The following LARGE2 variants were observed in gnomAD, a reference collection of about 807,000 sequenced individuals.
The protein encoded by LARGE2 is xylosyl- and glucuronyltransferase LARGE2.
LARGE2 carries 63 observed loss-of-function variants against 75.3 expected under a neutral mutation model. The observed-to-expected ratio is 0.84, with a 90% CI of 0.68 to 1.03. LARGE2 has a LOEUF of 1.03. LARGE2 is among the 50% of genes least tolerant of loss of function. The pLI is 0.00. For missense variants in LARGE2, 925 were observed against 980.6 expected, an observed-to-expected ratio of 0.94 and a Z score of 0.76; for synonymous variants, 428 against 420.1, an observed-to-expected ratio of 1.02 and a Z score of -0.23.
chr11:45,927,653 G>C, intron 11 of LARGE2, 60 bp downstream of exon 11: 1 of 1,581,706 alleles, frequency 6.3e-7, no homozygotes, highest in Non-Finnish European at 8.6e-7. Context: ...GGGCATGCGT[G>C]GGACCCCAGG....
At chr11:45,925,493 TAAAAATAC>T (rs2087106658) in intron 6 of LARGE2, among the ~76,000 whole-genome samples, 1 of 151,740 alleles carries the variant, frequency 6.6e-6, no homozygotes, top group Non-Finnish European at 1.5e-5. Context: ...CCTTCTACAC[TAAAAATAC>T]AAAAATTAGC....
chr11:45,924,064 G>A, intron 3 of LARGE2, 90 bp from the exon 4 acceptor site: 1 of 1,390,470 alleles, frequency 7.2e-7, no homozygotes, highest in African/African-American at 1.5e-5. Context: ...TTTGCAGATG[G>A]CGCTTCCATC....
In LARGE2 at chr11:45,924,229, G is replaced by A. The variant is rs759320380; in HGVS notation, c.444G>A (p.Trp148Ter). Residue 148 changes from tryptophan (W) to a stop codon, truncating the protein, a stop_gained, in exon 4 of 14, where the codon TGG becomes TGA. Transcript: ENST00000401752. LOFTEE classifies it high-confidence loss of function. ...TCCTGGAGACGCTCTTCCACACATG[G>A]ATGGTGCCTGCTGTCCGTGTCAGCT... ...RNILETLFHT[W>*]MVPAVRVSFY... is the part of the protein sequence containing the mutation. 1 of 1,613,546 alleles carries A rather than the reference G, an allele frequency of 6.2e-7. No individual in the cohort carries two copies.
At position 45,923,119 on chromosome 11, in the gene LARGE2, C is replaced by G. The variant is rs1187675477; in HGVS notation, c.237C>G (p.His79Gln). ...DGDPGAGPGD[H>Q]NRSDCGPQPP... is the part of the protein sequence containing the mutation. ...ACCCGGGGGCCGGCCCCGGGGACCA[C>G]AACCGCTCCGACTGCGGCCCGCAGC... Residue 79 changes from histidine (H) to glutamine (Q), a missense_variant, in exon 2 of 14, where the codon CAC (histidine) becomes CAG (glutamine). Around this residue, in one of 3 missense-constraint regions of LARGE2, gnomAD observed 453 missense variants for 460.2 expected, o/e 0.98. Transcript: ENST00000401752. 7.3e-7 allele frequency: 1 copy of G among 1,375,022 alleles called. No individual in the cohort carries two copies. 85.2% of individuals were successfully genotyped at this position (1,375,022 alleles called of 1,614,324 possible). A position where few individuals can be genotyped will look rare whatever the true frequency, so the allele number is the denominator to read the frequency against.
In LARGE2 at chr11:45,928,266, ACT is replaced by A; in HGVS notation, c.1845_1846del (p.Asn615LysfsTer2). ...CCGTACCGTGTGCAATGGGCGGCCA[ACT>A]ATGAACCCTACGTGGTGGTGCCACG... On this transcript the variant is annotated frameshift_variant, in exon 13 of 14. Transcript: ENST00000401752. LOFTEE classifies it high-confidence loss of function. The A allele has an allele frequency of 6.2e-7, 1 of 1,614,088 alleles. No homozygotes were observed. Among genetic ancestry groups the A allele is most frequent in the East Asian group, 2.2e-5 (1 of 44,870 alleles).
intron 3 of LARGE2, among the ~76,000 whole-genome samples, chr11:45,923,793 C>T (rs1010210369): frequency 6.6e-6 from 1 of 151,366 alleles, no homozygotes; most frequent in African/African-American, 2.4e-5. Context: ...GAGACCATCC[C>T]GGCTAAAACG....
In LARGE2 at chr11:45,926,069, G is replaced by C. The variant is rs888781721; in HGVS notation, c.800G>C (p.Arg267Pro). 1 of 1,558,702 alleles carries C rather than the reference G, an allele frequency of 6.4e-7. No individual in the cohort carries two copies. The highest frequency in any genetic ancestry group is 8.7e-7 in the Non-Finnish European group (1 of 1,151,698). ...ATCCTGCTGCGGCTGGACCGGCTCC[G>C]GCAGGCTGGCTGGGAGCAGATGTGG... ...GVILLRLDRL[R>P]QAGWEQMWRL... The change falls in exon 7 of 14, where the codon CGG (arginine) becomes CCG (proline). Residue 267 changes from arginine (R) to proline (P), a missense_variant. This residue lies in a region of LARGE2 where 453 missense variants were observed against 460.2 expected (regional missense o/e 0.98). Transcript: ENST00000401752.
chr11:45,927,013 T>C (rs928797228), intron 10 of LARGE2, 142 bp downstream of exon 10: 1 of 968,978 alleles, frequency 1.0e-6, no homozygotes, highest in African/African-American at 1.6e-5. Context: ...AGACATTGGA[T>C]ATGGTGGAAA....
At chr11:45,925,959 C>A in intron 6 of LARGE2, 80 bp from the exon 7 acceptor site, 1 of 1,230,624 alleles carries the variant, frequency 8.1e-7, no homozygotes, top group Non-Finnish European at 1.1e-6. Flanking sequence ...TGTCAAAAAA[C>A]AAAGGACACC....
At position 45,928,867 on chromosome 11, in the gene LARGE2, C is replaced by T; in HGVS notation, c.*22C>T. The T allele has an allele frequency of 1.9e-6, 3 of 1,611,968 alleles. No homozygotes were observed. The highest frequency in any genetic ancestry group is 1.1e-5 in the South Asian group (1 of 90,912). On this transcript the variant is annotated 3_prime_UTR_variant, in exon 14 of 14. Transcript: ENST00000401752. ...CTGAGGCTGGGCCGGCGCTGCCCCT[C>T]ATCTTAGCATTGGGCAGACACCAGG...
intron 10 of LARGE2, 67 bp from the exon 11 acceptor site, chr11:45,927,248 T>A: frequency 6.5e-7 from 1 of 1,534,374 alleles, no homozygotes; most frequent in Non-Finnish European, 8.8e-7. Flanking sequence ...ACTGGGGAGG[T>A]TTGCCAGGCC....
intron 12 of LARGE2, 47 bp downstream of exon 12, chr11:45,928,116 G>T: frequency 6.2e-7 from 1 of 1,612,730 alleles, no homozygotes; most frequent in East Asian, 2.2e-5. Context: ...TGCCCACACT[G>T]GCCCCCACTA....
At position 45,928,752 on chromosome 11, in the gene LARGE2, C is replaced by A; in HGVS notation, c.2073C>A (p.Asp691Glu). The change falls in exon 14 of 14, where the codon GAC becomes GAA. Residue 691 changes from aspartate (D) to glutamate (E), a missense_variant. By Grantham distance (45) the Asp-to-Glu change is conservative. Coordinates refer to ENST00000401752, the MANE Select transcript of LARGE2 (RefSeq NM_001300721.2). Reference protein sequence around the residue: ...TYRDCLQALKDEFHQDLSRHH... With the variant: ...TYRDCLQALKEEFHQDLSRHH... ...GTGACTGCCTCCAGGCCCTCAAGGA[C>A]GAATTCCACCAGGACTTGTCCCGCC... 6.2e-7 allele frequency: 1 copy of A among 1,614,130 alleles called. No homozygotes were observed. Among genetic ancestry groups the A allele is most frequent in the South Asian group, 1.1e-5 (1 of 91,084 alleles).
At position 45,924,299 on chromosome 11, in the gene LARGE2, C is replaced by T. The variant is rs201765300; in HGVS notation, c.492+22C>T. 2.0e-5 allele frequency: 32 copies of T among 1,611,418 alleles called. No individual in the cohort carries two copies. In the South Asian group the frequency reaches 2.5e-4, roughly 13 times the overall value. ...CAAGGCAGGGGCCCAGCCCTTCCCC[C>T]CTCCCCTCAGCTGTGTCCACCGCTC... On this transcript the variant is annotated intron_variant, in intron 4 of 13. Transcript: ENST00000401752.
At position 45,924,576 on chromosome 11, in the gene LARGE2, G is replaced by C; in HGVS notation, c.563G>C (p.Ser188Thr). The C allele has an allele frequency of 6.2e-7, 1 of 1,614,038 alleles. No homozygotes were observed. The highest frequency in any genetic ancestry group is 1.7e-5 in the Admixed American group (1 of 60,030). The change falls in exon 5 of 14, where the codon AGT becomes ACT. Residue 188 changes from serine to threonine, a missense_variant. Physicochemically the swap from Ser to Thr is moderately conservative, Grantham distance 58 (BLOSUM62 1). Around this residue, in one of 3 missense-constraint regions of LARGE2, gnomAD observed 453 missense variants for 460.2 expected, o/e 0.98. Coordinates refer to ENST00000401752, the MANE Select transcript of LARGE2 (RefSeq NM_001300721.2). Reference sequence around the variant, plus strand: ...GGGCTAATGAAGCTGGTGCTGCCCAGTGCCTTGCCTGCTGAGCTGGCCCGC... The same window carrying C: ...GGGCTAATGAAGCTGGTGCTGCCCACTGCCTTGCCTGCTGAGCTGGCCCGC... Reference protein sequence around the residue: ...LYGLMKLVLPSALPAELARVI... With the variant: ...LYGLMKLVLPTALPAELARVI...
Position 45,924,667 on chromosome 11 carries a change from T to G in LARGE2, c.654T>G (p.Ala218=). The G allele has an allele frequency of 6.2e-7, 1 of 1,611,856 alleles. No homozygotes were observed. Residue 218 remains alanine (A), a synonymous_variant, in exon 5 of 14, where the codon GCT becomes GCG. Transcript: ENST00000401752. ...TCTCGGAGCTCTGGGCCCTCTTTGC[T>G]CACTTTTCTGGTGAGAGGCCTGGGA... The part of the protein sequence containing the change: ...SDISELWALF[A]HFSDTQAIGL...
intron 3 of LARGE2, 113 bp downstream of exon 3, chr11:45,923,668 C>G: frequency 2.2e-6 from 2 of 919,676 alleles, no homozygotes; most frequent in South Asian, 2.9e-5. Flanking sequence ...GGACAGTGTC[C>G]CCTTCCTCCC....
chr11:45,926,675 C>T lies in LARGE2; in HGVS notation c.1165-36C>T, dbSNP rs552498991. ...TTGTCTGGGGGATGTGTTGTTCTGC[C>T]CTATCCCCGGTCCTTGTCACCCCTT... On this transcript the variant is annotated intron_variant, in intron 9 of 13. Coordinates refer to ENST00000401752, the MANE Select transcript of LARGE2 (RefSeq NM_001300721.2). 4.3e-6 allele frequency: 7 copies of T among 1,611,772 alleles called. No individual in the cohort carries two copies. In the Admixed American group the frequency reaches 1.2e-4, roughly 27 times the overall value.
chr11:45,926,224 C>T lies in LARGE2; in HGVS notation c.885C>T (p.Asp295=), dbSNP rs2087136589. The T allele has an allele frequency of 1.9e-6, 3 of 1,614,024 alleles. No homozygotes were observed. Among genetic ancestry groups the T allele is most frequent in the Non-Finnish European group, 2.5e-6 (3 of 1,179,918 alleles). ...ATGTGATGGGTGTCTCTGCTCAGGA[C>T]ATCTTCAACGCTGTGATCAAGGAGC... is the stretch of plus-strand genomic sequence containing the variant. ...SLPATSLADQ[D]IFNAVIKEHP... Residue 295 remains aspartate, a splice_region_variant and synonymous_variant, in exon 8 of 14, where the codon GAC becomes GAT. Coordinates refer to ENST00000401752, the MANE Select transcript of LARGE2 (RefSeq NM_001300721.2).
Sources: allele counts gnomAD v4.1 joint callset (sites outside exome capture counted in the v4.1 genomes callset), GRCh38; gene constraint gnomAD v4.1.1; regional missense constraint gnomAD v4.1.1; transcripts MANE v1.5; gene names NCBI Gene and HGNC (gene_info 2026-07-23, HGNC 2026-07-21).